The following FAM81A variants were observed in gnomAD, a reference collection of about 807,000 sequenced individuals.
The protein encoded by FAM81A is protein FAM81A.
FAM81A carries 19 observed loss-of-function variants against 46.7 expected under a neutral mutation model. That is an observed-to-expected ratio of 0.41 (90% CI 0.28 to 0.60). The LOEUF (loss-of-function observed/expected upper bound fraction) is 0.60. Ranked by LOEUF, FAM81A falls within the 20% of genes least tolerant of loss-of-function variation. FAM81A has a pLI of 0.34. For missense variants in FAM81A, 377 were observed against 453.5 expected, an observed-to-expected ratio of 0.83 and a Z score of 1.53; for synonymous variants, 183 against 152.9, an observed-to-expected ratio of 1.20 and a Z score of -1.45.
chr15:59,489,271 A>G (rs1247345993), intron 3 of FAM81A, among the ~76,000 whole-genome samples: 1 of 19,374 alleles, frequency 5.2e-5, no homozygotes, highest in Non-Finnish European at 9.0e-5. Flanking sequence ...TCTCAAATAC[A>G]TACATACATA....
chr15:59,478,012 T>C (rs2081795046), intron 3 of FAM81A, among the ~76,000 whole-genome samples: 1 of 152,234 alleles, frequency 6.6e-6, no homozygotes, highest in African/African-American at 2.4e-5. Context: ...TTATCCATAC[T>C]GTCTTTGGTT....
At chr15:59,513,313 A>G (rs1434479024) in intron 6 of FAM81A, among the ~76,000 whole-genome samples, 1 of 152,154 alleles carries the variant, frequency 6.6e-6, no homozygotes, top group Non-Finnish European at 1.5e-5. Flanking sequence ...TCTAGTCCCA[A>G]GAGATAAAAG....
At chr15:59,487,650 C>T (rs1174851594) in intron 3 of FAM81A, among the ~76,000 whole-genome samples, 2 of 151,856 alleles carry the variant, frequency 1.3e-5, no homozygotes, top group Admixed American at 6.6e-5. Flanking sequence ...AACTAGAAAA[C>T]CTAGAAGAAA....
chr15:59,479,828 TCAGC>T (rs1467305476), intron 3 of FAM81A, among the ~76,000 whole-genome samples: 5 of 152,192 alleles, frequency 3.3e-5, no homozygotes, highest in African/African-American at 1.2e-4. Flanking sequence ...TATTTAGTGT[TCAGC>T]CAAGGAATTT....
Position 59,502,485 on chromosome 15 carries a change from CTGTGTG to C in FAM81A, c.414-4690_414-4685del, listed in dbSNP as rs71119478. 6.5e-3 allele frequency among the ~76,000 whole-genome samples: 896 copies of C among 138,270 alleles called. 11 individuals carry two copies. Among genetic ancestry groups the C allele is most frequent in the East Asian group, 0.025 (119 of 4,680 alleles). 90.7% of individuals were successfully genotyped at this position (138,270 alleles called of 152,430 possible). ...CATAAAAAAACCAGAGTTGACTTCA[CTGTGTG>C]TGTGTGTGTGTGTGTGTGTGTGTGT... On this transcript the variant is annotated intron_variant, in intron 4 of 8. Transcript: ENST00000288228.
At chr15:59,506,684 T>A (rs1596540028) in intron 4 of FAM81A, among the ~76,000 whole-genome samples, 1 of 152,244 alleles carries the variant, frequency 6.6e-6, no homozygotes, top group East Asian at 1.9e-4. Flanking sequence ...TACCATTGGA[T>A]CTGCCAAGTT....
intron 2 of FAM81A, among the ~76,000 whole-genome samples, chr15:59,427,519 A>G (rs1361256638): frequency 1.3e-5 from 2 of 152,104 alleles, no homozygotes; most frequent in East Asian, 1.9e-4. Context: ...TGTTTTTTTA[A>G]TACTCATTAA....
At position 59,521,482 on chromosome 15, in the gene FAM81A, G is replaced by A; in HGVS notation, c.*104G>A. 3.0e-6 allele frequency: 4 copies of A among 1,347,190 alleles called. No individual in the cohort carries two copies. The highest frequency in any genetic ancestry group is 3.9e-6 in the Non-Finnish European group (4 of 1,019,266). 83.5% of individuals were successfully genotyped at this position (1,347,190 alleles called of 1,614,324 possible). On this transcript the variant is annotated 3_prime_UTR_variant, in exon 9 of 9. Coordinates refer to ENST00000288228, the MANE Select transcript of FAM81A (RefSeq NM_152450.3). The stretch of plus-strand genomic sequence containing the variant: ...CTGCATTCAGGATTGTTCCATCCAT[G>A]GCGTGCATGTGCCAAGAAATGTGTT...
chr15:59,479,445 A>C lies in FAM81A; in HGVS notation c.295-12826A>C, dbSNP rs554898176. On this transcript the variant is annotated intron_variant, in intron 3 of 8. Coordinates refer to ENST00000288228, the MANE Select transcript of FAM81A (RefSeq NM_152450.3). The stretch of plus-strand genomic sequence containing the variant: ...AGAATTGCTTGAACCCGGGAGGCGG[A>C]GGTTGCAGTGAGCTGAGATTGTGCC... Among the ~76,000 whole-genome samples, 6 of 132,832 alleles carry C rather than the reference A, an allele frequency of 4.5e-5. No homozygotes were observed. The South Asian group carries it at 1.1e-3, about 23-fold the overall frequency. The allele number at this position is 132,832 out of a possible 152,430, so 87.1% of individuals were successfully genotyped here.
At chr15:59,428,749 A>G (rs1193411041) in intron 2 of FAM81A, among the ~76,000 whole-genome samples, 1 of 149,086 alleles carries the variant, frequency 6.7e-6, no homozygotes, top group African/African-American at 2.5e-5. Flanking sequence ...TCATGCCTCA[A>G]CCTCCCAAGT....
intron 3 of FAM81A, among the ~76,000 whole-genome samples, chr15:59,483,393 A>G (rs1467269582): frequency 4.6e-5 from 7 of 152,192 alleles, no homozygotes; most frequent in African/African-American, 1.7e-4. Context: ...TGAGGGAAAC[A>G]CAGAATATTT....
intron 1 of FAM81A, among the ~76,000 whole-genome samples, chr15:59,456,825 G>A (rs545954136): frequency 6.6e-6 from 1 of 152,270 alleles, no homozygotes; most frequent in South Asian, 2.1e-4. Context: ...CTGGGCTCAA[G>A]CAATCCTCCA....
intron 3 of FAM81A, among the ~76,000 whole-genome samples, chr15:59,482,289 A>G (rs566123164): frequency 6.1e-4 from 93 of 151,944 alleles, no homozygotes; most frequent in Non-Finnish European, 1.1e-3. Context: ...GTTTTTTGAG[A>G]TGGGGTTTTG....
chr15:59,440,964 T>C (rs1452726069), intron 1 of FAM81A, among the ~76,000 whole-genome samples: 1 of 152,216 alleles, frequency 6.6e-6, no homozygotes, highest in Non-Finnish European at 1.5e-5. Context: ...ACAGGTTCCA[T>C]TGAAAATTTA....
intron 3 of FAM81A, among the ~76,000 whole-genome samples, chr15:59,484,037 A>G (rs545497073): frequency 1.8e-4 from 28 of 152,294 alleles, no homozygotes; most frequent in Middle Eastern, 3.4e-3. Context: ...CCACCCGTCC[A>G]CAAGCCCCTT....
intron 2 of FAM81A, among the ~76,000 whole-genome samples, chr15:59,425,781 A>C (rs546650334): frequency 1.3e-5 from 2 of 152,228 alleles, no homozygotes; most frequent in East Asian, 3.9e-4. Context: ...CTGCATCACC[A>C]TGACTGGATA....
At chr15:59,471,453 G>C (rs2081688175) in intron 3 of FAM81A, among the ~76,000 whole-genome samples, 1 of 151,946 alleles carries the variant, frequency 6.6e-6, no homozygotes, top group Non-Finnish European at 1.5e-5. Context: ...TGTGACTACT[G>C]TTTGCATAAT....
At chr15:59,411,884 G>A (rs559256006) in intron 2 of FAM81A, among the ~76,000 whole-genome samples, 3 of 143,388 alleles carry the variant, frequency 2.1e-5, no homozygotes, top group Non-Finnish European at 4.7e-5. Context: ...ACTGCAATCC[G>A]TCTCAACAAC....
At chr15:59,474,468 G>T (rs556379798) in intron 3 of FAM81A, among the ~76,000 whole-genome samples, 4 of 152,140 alleles carry the variant, frequency 2.6e-5, no homozygotes, top group African/African-American at 9.7e-5. Flanking sequence ...ATTGCAAAAG[G>T]ATTGAACAGA....
Sources: allele counts gnomAD v4.1 joint callset (sites outside exome capture counted in the v4.1 genomes callset), GRCh38; gene constraint gnomAD v4.1.1; transcripts MANE v1.5; gene names NCBI Gene and HGNC (gene_info 2026-07-23, HGNC 2026-07-21).